STK39: variants seen among roughly 807,000 people sequenced by gnomAD.
STK39 encodes the protein STE20/SPS1-related proline-alanine-rich protein kinase.
STK39 carries 20 observed loss-of-function variants against 77.8 expected under a neutral mutation model. The observed-to-expected ratio is 0.26, with a 90% confidence interval of 0.18 to 0.37. The LOEUF (loss-of-function observed/expected upper bound fraction) is 0.37, where lower values mean the gene tolerates loss of function less well. STK39 is among the 10% of genes least tolerant of loss of function. The pLI, the probability that STK39 is intolerant of heterozygous loss-of-function variation, is 1.00. For missense variants in STK39, 479 were observed against 656.5 expected (o/e 0.73, Z 2.95); for synonymous variants, 246 against 234.1 (o/e 1.05, Z -0.47).
Position 167,955,393 on chromosome 2 carries a change from G to A in STK39, c.*103C>T, listed in dbSNP as rs1691735535. ...CAATCTTCTGATTTTGCTAGGAAATGGGAGTGAGGGGGTGGGAGGAAATGG... is the reference window on the plus strand; with the variant it reads ...CAATCTTCTGATTTTGCTAGGAAATAGGAGTGAGGGGGTGGGAGGAAATGG... On this transcript the variant is annotated 3_prime_UTR_variant, in exon 18 of 18. Transcript: ENST00000355999. The A allele has an allele frequency of 9.2e-7, 1 of 1,087,376 alleles. No homozygotes were observed. The allele number at this position is 1,087,376 out of a possible 1,614,324, so 67.4% of individuals were successfully genotyped here. A position where few individuals can be genotyped will look rare whatever the true frequency, so the allele number is the denominator to read the frequency against.
intron 1 of STK39, among the ~76,000 whole-genome samples, chr2:168,224,700 A>T (rs74570111): frequency 0.21 from 31,583 of 152,186 alleles, 4,005 homozygotes; most frequent in Non-Finnish European, 0.29. Context: ...AATAATGTTT[A>T]ATTTTGCTTA....
chr2:168,061,425 C>T (rs990461679), intron 14 of STK39, among the ~76,000 whole-genome samples: 6 of 146,980 alleles, frequency 4.1e-5, no homozygotes, highest in Admixed American at 2.7e-4. Flanking sequence ...TCCTGTAGAA[C>T]TTCTTAAAAT....
chr2:168,247,365 G>C lies in STK39; in HGVS notation c.71C>G (p.Ala24Gly). 2.0e-6 allele frequency: 2 copies of C among 989,166 alleles called. No homozygotes were observed. The highest frequency in any genetic ancestry group is 2.5e-6 in the Non-Finnish European group (2 of 804,270). The allele number at this position is 989,166 out of a possible 1,614,324, so 61.3% of individuals were successfully genotyped here. A position where few individuals can be genotyped will look rare whatever the true frequency, so the allele number is the denominator to read the frequency against. Residue 24 changes from alanine (A) to glycine (G), a missense_variant, in exon 1 of 18, where the codon GCG (alanine) becomes GGG (glycine). Physicochemically the swap from Ala to Gly is moderately conservative, Grantham distance 60 (BLOSUM62 0). Transcript: ENST00000355999. Reference protein sequence around the residue: ...PQQAAPVTAAAAAAPAAATAA... With the variant: ...PQQAAPVTAAGAAAPAAATAA... ...TGTCGCGGCCGCCGGGGCCGCCGCC[G>C]CCGCCGCTGTCACCGGGGCCGCCTG...
intron 16 of STK39, among the ~76,000 whole-genome samples, chr2:167,999,423 C>T (rs567391969): frequency 3.9e-5 from 6 of 152,234 alleles, no homozygotes; most frequent in African/African-American, 1.4e-4. Context: ...ATCAGGTGTA[C>T]TCAGCACCAC....
At chr2:167,986,860 CG>C (rs1683573477) in intron 16 of STK39, among the ~76,000 whole-genome samples, 2 of 151,968 alleles carry the variant, frequency 1.3e-5, no homozygotes, top group South Asian at 4.1e-4. Context: ...AGGCTGAGTA[CG>C]AAGACGAGTC....
intron 14 of STK39, among the ~76,000 whole-genome samples, chr2:168,018,498 TAAGAAAAGAAAGAAAAGA>T (rs937163884): frequency 0.014 from 1,471 of 104,506 alleles, 25 homozygotes; most frequent in Middle Eastern, 0.025. Context: ...ATCTCATTTT[TAAGAAAAGAAAGAAAAGA>T]AAGAAAAGAA....
intron 16 of STK39, among the ~76,000 whole-genome samples, chr2:167,981,364 C>G (rs1683412925): frequency 6.6e-6 from 1 of 152,216 alleles, no homozygotes; most frequent in Non-Finnish European, 1.5e-5. Context: ...CTGCTTTAGA[C>G]TTTTCTGCAA....
chr2:168,012,497 T>C, intron 16 of STK39, 137 bp downstream of exon 16: 1 of 711,388 alleles, frequency 1.4e-6, no homozygotes, highest in Non-Finnish European at 2.3e-6. Context: ...AATATACTTC[T>C]ACATAAAAGA....
At chr2:167,982,025 A>T (rs1328243420) in intron 16 of STK39, among the ~76,000 whole-genome samples, 1 of 152,168 alleles carries the variant, frequency 6.6e-6, no homozygotes, top group East Asian at 1.9e-4. Flanking sequence ...GCTGAGACCC[A>T]CTAGGCAGCC....
At chr2:168,006,332 G>A (rs974699511) in intron 16 of STK39, among the ~76,000 whole-genome samples, 2 of 152,194 alleles carry the variant, frequency 1.3e-5, no homozygotes, top group Non-Finnish European at 2.9e-5. Flanking sequence ...TATAGCTGAG[G>A]TTCTAAAACT....
At chr2:168,198,782 C>T (rs1350696863) in intron 1 of STK39, among the ~76,000 whole-genome samples, 1 of 152,178 alleles carries the variant, frequency 6.6e-6, no homozygotes, top group East Asian at 1.9e-4. Flanking sequence ...AGATGAAACA[C>T]TTCAAGAGAC....
chr2:168,145,190 G>T (rs573027682), intron 5 of STK39, among the ~76,000 whole-genome samples: 1 of 152,154 alleles, frequency 6.6e-6, no homozygotes, highest in Admixed American at 6.5e-5. Context: ...GAAACGGCAT[G>T]AGCAAAGCAC....
chr2:167,996,971 G>C (rs1012024776), intron 16 of STK39, among the ~76,000 whole-genome samples: 2 of 151,114 alleles, frequency 1.3e-5, no homozygotes, highest in African/African-American at 4.9e-5. Flanking sequence ...GTTACTGGAA[G>C]CACGCAGAAA....
At chr2:168,087,326 C>T (rs1036398232) in intron 10 of STK39, among the ~76,000 whole-genome samples, 10 of 152,192 alleles carry the variant, frequency 6.6e-5, no homozygotes, top group African/African-American at 2.4e-4. Flanking sequence ...AAACACACTG[C>T]GATGGTCAGT....
intron 14 of STK39, among the ~76,000 whole-genome samples, chr2:168,026,022 G>A (rs998635845): frequency 2.6e-5 from 4 of 152,132 alleles, no homozygotes; most frequent in Non-Finnish European, 4.4e-5. Context: ...TGCTTCCCTC[G>A]CAGATTTAAC....
Position 168,129,774 on chromosome 2 carries a change from T to C in STK39, c.975-16A>G, listed in dbSNP as rs760496567. On this transcript the variant is annotated splice_polypyrimidine_tract_variant and intron_variant, in intron 8 of 17. Coordinates refer to ENST00000355999, the MANE Select transcript of STK39 (RefSeq NM_013233.3). The stretch of plus-strand genomic sequence containing the variant: ...TGCTGTGGGCCTGAAAGATCAATAA[T>C]AAATTAGAGTTGAAACAATGACCAC... 4 of 1,612,868 alleles carry C rather than the reference T, an allele frequency of 2.5e-6. No individual in the cohort carries two copies. The East Asian group carries it at 8.9e-5, about 36-fold the overall frequency.
intron 10 of STK39, among the ~76,000 whole-genome samples, chr2:168,076,657 A>T (rs1686085756): frequency 6.6e-6 from 1 of 152,216 alleles, no homozygotes; most frequent in South Asian, 2.1e-4. Context: ...GTACTTTTTC[A>T]TAATTGCAAA....
At chr2:168,025,598 A>T (rs1684675275) in intron 14 of STK39, among the ~76,000 whole-genome samples, 1 of 152,238 alleles carries the variant, frequency 6.6e-6, no homozygotes. Context: ...GACATACAAC[A>T]GCAGGAAAAA....
chr2:168,181,464 C>T (rs1033188800), intron 2 of STK39, among the ~76,000 whole-genome samples: 2 of 151,992 alleles, frequency 1.3e-5, no homozygotes, highest in East Asian at 1.9e-4. Flanking sequence ...CAAATTGCCA[C>T]GTTAAGAAAA....
Sources: gnomAD v4.1 joint callset for allele counts (sites outside exome capture counted in the v4.1 genomes callset) on GRCh38, gnomAD v4.1.1 for gene constraint, MANE v1.5 for transcripts, NCBI Gene and HGNC (gene_info 2026-07-23, HGNC 2026-07-21) for gene names.